KIAA1217: variants seen among roughly 807,000 people sequenced by gnomAD.
The protein encoded by KIAA1217 is sickle tail protein homolog.
A neutral mutation model predicts 163.9 loss-of-function variants in KIAA1217; 88 were observed. That is an observed-to-expected ratio of 0.54 (90% CI 0.45 to 0.64). The LOEUF (loss-of-function observed/expected upper bound fraction) is 0.64, where lower values mean the gene tolerates loss of function less well. Ranked by LOEUF, KIAA1217 falls within the 30% of genes least tolerant of loss-of-function variation. KIAA1217 has a pLI of 0.00. For synonymous variants in KIAA1217, 903 were observed against 923.1 expected, an observed-to-expected ratio of 0.98 and a Z score of 0.39; for missense variants, 2,372 against 2,475.0, an observed-to-expected ratio of 0.96 and a Z score of 0.88.
intron 1 of KIAA1217, among the ~76,000 whole-genome samples, chr10:23,924,579 T>C (rs996801008): frequency 3.9e-5 from 6 of 152,148 alleles, no homozygotes; most frequent in Non-Finnish European, 8.8e-5. Context: ...AAATTAGACA[T>C]AGAGAACTCA....
At chr10:23,736,147 C>A (rs774337922) in intron 1 of KIAA1217, among the ~76,000 whole-genome samples, 61 of 152,160 alleles carry the variant, frequency 4.0e-4, no homozygotes, top group Non-Finnish European at 3.7e-4. Context: ...TCATTTATTT[C>A]TTTACTTCTT....
intron 5 of KIAA1217, among the ~76,000 whole-genome samples, chr10:24,443,108 G>T (rs368813476): frequency 3.9e-5 from 6 of 151,930 alleles, no homozygotes; most frequent in South Asian, 2.1e-4. Flanking sequence ...ATGGGATTTT[G>T]CCATGTTGGC....
intron 2 of KIAA1217, among the ~76,000 whole-genome samples, chr10:24,066,757 C>A (rs536068931): frequency 1.3e-5 from 2 of 152,326 alleles, no homozygotes; most frequent in East Asian, 3.9e-4. Flanking sequence ...TGGTTCCATT[C>A]TCCCCGTCAA....
chr10:24,472,143 G>A (rs1041053405), intron 5 of KIAA1217, among the ~76,000 whole-genome samples: 1 of 152,112 alleles, frequency 6.6e-6, no homozygotes, highest in Non-Finnish European at 1.5e-5. Flanking sequence ...TCATCATAAA[G>A]GTCTTCATCC....
At chr10:23,994,336 G>C (rs1374725401) in intron 1 of KIAA1217, among the ~76,000 whole-genome samples, 1 of 152,156 alleles carries the variant, frequency 6.6e-6, no homozygotes, top group Non-Finnish European at 1.5e-5. Flanking sequence ...GAGGACCAGG[G>C]ACATCTGATG....
chr10:24,371,044 AG>A (rs2051573472), intron 2 of KIAA1217, among the ~76,000 whole-genome samples: 1 of 152,196 alleles, frequency 6.6e-6, no homozygotes, highest in Non-Finnish European at 1.5e-5. Flanking sequence ...TGCTAAATGG[AG>A]ATCATAGTTG....
chr10:24,091,109 G>T (rs2131684427), intron 2 of KIAA1217, among the ~76,000 whole-genome samples: 1 of 151,984 alleles, frequency 6.6e-6, no homozygotes, highest in South Asian at 2.1e-4. Context: ...AACATTTATT[G>T]GTTCCTATGA....
intron 3 of KIAA1217, among the ~76,000 whole-genome samples, chr10:24,412,552 T>C (rs982017879): frequency 3.3e-5 from 5 of 152,312 alleles, no homozygotes; most frequent in Middle Eastern, 3.4e-3. Flanking sequence ...ACACATCACA[T>C]GGTAGACCAT....
chr10:24,191,170 A>C (rs1195680337), intron 2 of KIAA1217, among the ~76,000 whole-genome samples: 1 of 151,872 alleles, frequency 6.6e-6, no homozygotes, highest in Non-Finnish European at 1.5e-5. Flanking sequence ...ATAGAGTAAG[A>C]CTCCTCTCAA....
chr10:24,368,811 A>G, intron 2 of KIAA1217: 1 of 980,586 alleles, frequency 1.0e-6, no homozygotes, highest in Non-Finnish European at 1.2e-6. Context: ...AGCCATCTAG[A>G]ATCACCCTAC....
intron 2 of KIAA1217, among the ~76,000 whole-genome samples, chr10:24,016,215 T>C (rs1395303427): frequency 6.6e-6 from 1 of 152,166 alleles, no homozygotes; most frequent in Non-Finnish European, 1.5e-5. Context: ...CTGTATTCTT[T>C]CTTTCTGTGT....
At chr10:23,796,151 G>C (rs1836191771) in intron 1 of KIAA1217, among the ~76,000 whole-genome samples, 1 of 152,068 alleles carries the variant, frequency 6.6e-6, no homozygotes, top group Non-Finnish European at 1.5e-5. Flanking sequence ...AAAGATTTTA[G>C]CTTTGGTTCC....
intron 2 of KIAA1217, among the ~76,000 whole-genome samples, chr10:24,018,031 C>T (rs996442743): frequency 2.6e-5 from 4 of 151,984 alleles, no homozygotes; most frequent in Non-Finnish European, 2.9e-5. Context: ...AAGTAAGATC[C>T]GAGTTTAAAG....
At chr10:24,513,176 G>A in intron 9 of KIAA1217, 83 bp from the exon 10 acceptor site, 1 of 1,320,764 alleles carries the variant, frequency 7.6e-7, no homozygotes, top group Non-Finnish European at 1.1e-6. Context: ...TCTACCCAAA[G>A]TGCTCCGAAG....
At position 24,542,730 on chromosome 10, in the gene KIAA1217, A is replaced by C; in HGVS notation, c.3572A>C (p.Asp1191Ala). 3 of 1,614,192 alleles carry C rather than the reference A, an allele frequency of 1.9e-6. No individual in the cohort carries two copies. The highest frequency in any genetic ancestry group is 2.5e-6 in the Non-Finnish European group (3 of 1,180,016). ...TTCCATGAAGATGTACGGAAATCTGATGTTGAATATGAAAATGGCCCCCAA... is the reference window on the plus strand; with the variant it reads ...TTCCATGAAGATGTACGGAAATCTGCTGTTGAATATGAAAATGGCCCCCAA... ...EFFHEDVRKS[D>A]VEYENGPQME... Residue 1191 changes from aspartate (D) to alanine (A), a missense_variant, in exon 18 of 21, where the codon GAT (aspartate) becomes GCT (alanine). Asp to Ala is a moderately radical substitution (Grantham distance 126, BLOSUM62 -2). Around this residue, in one of 3 missense-constraint regions of KIAA1217, gnomAD observed 251 missense variants for 327.3 expected, o/e 0.77. Transcript: ENST00000376454.
intron 13 of KIAA1217, among the ~76,000 whole-genome samples, chr10:24,525,840 A>G (rs1189984384): frequency 6.6e-6 from 1 of 152,044 alleles, no homozygotes; most frequent in Non-Finnish European, 1.5e-5. Flanking sequence ...AAATACAAAA[A>G]TTAGCTGGGC....
intron 2 of KIAA1217, chr10:24,239,266 C>A: frequency 1.0e-6 from 1 of 985,418 alleles, no homozygotes; most frequent in Non-Finnish European, 1.2e-6. Flanking sequence ...GAGTCCGTTC[C>A]AGACAAAAAC....
chr10:24,236,274 G>A (rs182376211), intron 2 of KIAA1217, among the ~76,000 whole-genome samples: 94 of 150,240 alleles, frequency 6.3e-4, no homozygotes, highest in African/African-American at 2.2e-3. Flanking sequence ...TTTTTTCGAC[G>A]GCGTTTTGCT....
chr10:24,154,516 T>C (rs1227634651), intron 2 of KIAA1217, among the ~76,000 whole-genome samples: 1 of 152,132 alleles, frequency 6.6e-6, no homozygotes, highest in Non-Finnish European at 1.5e-5. Context: ...ATAAAAGCAC[T>C]TAGTGCATTG....
Sources: allele counts gnomAD v4.1 joint callset (sites outside exome capture counted in the v4.1 genomes callset), GRCh38; gene constraint gnomAD v4.1.1; regional missense constraint gnomAD v4.1.1; transcripts MANE v1.5; gene names NCBI Gene and HGNC (gene_info 2026-07-23, HGNC 2026-07-21).